Variants in CFAP47 observed in about 807,000 individuals in gnomAD.
CFAP47 encodes cilia and flagella associated protein 47.
In CFAP47, 29 loss-of-function variants were observed where a neutral mutation model predicts 148.1. The observed-to-expected ratio is 0.20, with a 90% CI of 0.15 to 0.27. CFAP47 has a LOEUF of 0.27. Among genes scored for constraint, CFAP47 ranks in the 10% least tolerant of loss-of-function variants. The probability of loss-of-function intolerance (pLI) is 1.00; values close to 1 mark genes in which losing one functional copy is unlikely to be tolerated. For synonymous variants in CFAP47, 664 were observed against 577.3 expected (o/e 1.15, Z -2.15); for missense variants, 1,872 against 1,697.5 (o/e 1.10, Z -1.81).
chrX:36,267,445 T>A (rs1940905812), intron 49 of CFAP47, among the ~76,000 whole-genome samples: 2 of 109,791 alleles, frequency 1.8e-5, no homozygotes, highest in African/African-American at 3.3e-5. Flanking sequence ...TCTTTGAAAA[T>A]AATTATTGTT....
intron 3 of CFAP47, among the ~76,000 whole-genome samples, chrX:35,947,922 T>A (rs1223648646): frequency 2.7e-5 from 3 of 111,607 alleles, no homozygotes; most frequent in Non-Finnish European, 5.6e-5. Flanking sequence ...AACAACAGGA[T>A]CATATTTGTT....
chrX:35,928,089 A>G (rs1252819978), intron 2 of CFAP47, among the ~76,000 whole-genome samples: 1 of 109,147 alleles, frequency 9.2e-6, no homozygotes, highest in Non-Finnish European at 1.9e-5. Context: ...GTTTTTAGCT[A>G]TCACAAATAA....
At chrX:36,224,730 A>G (rs963891574) in intron 45 of CFAP47, among the ~76,000 whole-genome samples, 12 of 111,973 alleles carry the variant, frequency 1.1e-4, no homozygotes, top group African/African-American at 3.6e-4. Context: ...ACACAGGTCA[A>G]AATACCCAGG....
At chrX:36,011,474 C>T (rs1298454645) in intron 21 of CFAP47, among the ~76,000 whole-genome samples, 1 of 111,812 alleles carries the variant, frequency 8.9e-6, no homozygotes, top group African/African-American at 3.3e-5. Context: ...ACTTTTATTT[C>T]CAGACTTTAG....
At chrX:36,112,726 G>A (rs1343962995) in intron 33 of CFAP47, among the ~76,000 whole-genome samples, 1 of 111,277 alleles carries the variant, frequency 9.0e-6, no homozygotes, top group Non-Finnish European at 1.9e-5. Flanking sequence ...CTATTATTGT[G>A]TGGGAGTTTG....
At chrX:36,100,963 T>C (rs1008827910) in intron 32 of CFAP47, among the ~76,000 whole-genome samples, 23 of 111,093 alleles carry the variant, frequency 2.1e-4, no homozygotes, top group African/African-American at 6.6e-4. Context: ...CCTGGCAGTC[T>C]GAAGTCTCCT....
chrX:36,147,931 T>C (rs2146840487), intron 36 of CFAP47, among the ~76,000 whole-genome samples: 1 of 111,308 alleles, frequency 9.0e-6, no homozygotes, highest in East Asian at 2.8e-4. Context: ...TCCTCACCAT[T>C]CTCTGGGTCA....
At chrX:36,098,949 T>A in intron 31 of CFAP47, 75 bp downstream of exon 31, 1 of 484,411 alleles carries the variant, frequency 2.1e-6, no homozygotes, top group Non-Finnish European at 3.4e-6. Flanking sequence ...TATGTTAGAA[T>A]ATTCTACTTC....
intron 49 of CFAP47, among the ~76,000 whole-genome samples, chrX:36,279,004 CA>C (rs1556003118): frequency 9.0e-6 from 1 of 111,514 alleles, no homozygotes; most frequent in East Asian, 2.8e-4. Context: ...TGCCTGTCAA[CA>C]CACGAAACAC....
At chrX:36,217,443 T>C (rs782370762) in intron 45 of CFAP47, among the ~76,000 whole-genome samples, 1 of 111,174 alleles carries the variant, frequency 9.0e-6, no homozygotes, top group South Asian at 3.8e-4. Flanking sequence ...ACCCATTTCT[T>C]CTTTTCTCTA....
At chrX:35,931,243 CT>C (rs1481765485) in intron 2 of CFAP47, among the ~76,000 whole-genome samples, 1 of 111,243 alleles carries the variant, frequency 9.0e-6, no homozygotes, top group African/African-American at 3.3e-5. Context: ...TTATTCCTTT[CT>C]GGTAGATTGA....
In CFAP47 at chrX:35,932,025, C is replaced by T. The variant is rs187080592; in HGVS notation, c.401+5857C>T. ...GGCTTCCTCCCTCCCTCCCTCCCTC[C>T]TTTCCTTTCTTCCTTCCTTGCTTCC... On this transcript the variant is annotated intron_variant, in intron 2 of 63. Transcript: ENST00000378653. 6.4e-3 allele frequency among the ~76,000 whole-genome samples: 632 copies of T among 98,779 alleles called. 4 individuals carry two copies. Among genetic ancestry groups the T allele is most frequent in the African/African-American group, 0.016 (424 of 26,664 alleles). The allele number at this position is 98,779 out of a possible 115,157, so 85.8% of individuals were successfully genotyped here.
At chrX:36,047,852 C>T (rs1246013021) in intron 26 of CFAP47, among the ~76,000 whole-genome samples, 3 of 112,015 alleles carry the variant, frequency 2.7e-5, no homozygotes, top group Non-Finnish European at 5.6e-5. Context: ...TCATATTTCA[C>T]AACATCCCAT....
chrX:36,320,227 A>G (rs1421134498), intron 57 of CFAP47, among the ~76,000 whole-genome samples: 2 of 112,314 alleles, frequency 1.8e-5, no homozygotes, highest in African/African-American at 6.5e-5. Context: ...ACGCTAAAAA[A>G]TTATGAATTT....
At chrX:35,998,384 T>C (rs1936873403) in intron 19 of CFAP47, among the ~76,000 whole-genome samples, 1 of 111,597 alleles carries the variant, frequency 9.0e-6, no homozygotes, top group Admixed American at 9.6e-5. Flanking sequence ...CTTTCCTTGA[T>C]TCTTCAAAGT....
At chrX:36,333,839 A>T (rs1181375758) in intron 57 of CFAP47, among the ~76,000 whole-genome samples, 1 of 110,839 alleles carries the variant, frequency 9.0e-6, no homozygotes, top group Non-Finnish European at 1.9e-5. Context: ...CATGCCTTCA[A>T]CTCACCAAAT....
Position 35,966,599 on chromosome X carries a change from G to A in CFAP47, c.1445G>A (p.Gly482Glu). Reference protein sequence around the residue: ...VMCSFVPHQLGVFKVKQMIEI... With the variant: ...VMCSFVPHQLEVFKVKQMIEI... ...TGTTCATTTGTTCCACATCAACTTG[G>A]AGTCTTCAAAGTGAAGCAGATGATA... is the stretch of plus-strand genomic sequence containing the variant. The change falls in exon 9 of 64, where the codon GGA becomes GAA. Residue 482 changes from glycine (G) to glutamate (E), a missense_variant. Transcript: ENST00000378653. 9.0e-7 allele frequency: 1 copy of A among 1,111,248 alleles called. No individual in the cohort carries two copies. The highest frequency in any genetic ancestry group is 1.2e-6 in the Non-Finnish European group (1 of 839,683). The allele number at this position is 1,111,248 out of a possible 1,213,427, so 91.6% of individuals were successfully genotyped here.
intron 22 of CFAP47, among the ~76,000 whole-genome samples, chrX:36,021,585 G>A (rs1195591139): frequency 9.0e-6 from 1 of 111,204 alleles, no homozygotes; most frequent in African/African-American, 3.3e-5. Flanking sequence ...GTGCCATGGT[G>A]GTTTGCTGCA....
At chrX:35,952,309 T>C (rs1486013371) in intron 6 of CFAP47, among the ~76,000 whole-genome samples, 1 of 111,640 alleles carries the variant, frequency 9.0e-6, no homozygotes, top group Non-Finnish European at 1.9e-5. Flanking sequence ...CAGCATGTCG[T>C]AGGTCCCTCC....
Sources: allele counts gnomAD v4.1 joint callset (sites outside exome capture counted in the v4.1 genomes callset), GRCh38; gene constraint gnomAD v4.1.1; transcripts MANE v1.5; gene names NCBI Gene and HGNC (gene_info 2026-07-23, HGNC 2026-07-21).